NTM: variants seen among roughly 807,000 people sequenced by gnomAD.
The protein encoded by NTM is IgLON family member 2.
NTM carries 13 observed loss-of-function variants against 42.1 expected under a neutral mutation model. The ratio of observed to expected loss-of-function variants is 0.31; its 90% CI spans 0.20 to 0.49. The LOEUF (loss-of-function observed/expected upper bound fraction) is 0.49. Among genes scored for constraint, NTM ranks in the 20% least tolerant of loss-of-function variants. The pLI is 0.99. For synonymous variants in NTM, 187 were observed against 179.2 expected (o/e 1.04, Z -0.35); for missense variants, 373 against 452.8 (o/e 0.82, Z 1.60).
At chr11:131,649,240 A>G (rs964314983) in intron 1 of NTM, among the ~76,000 whole-genome samples, 6 of 152,244 alleles carry the variant, frequency 3.9e-5, no homozygotes, top group Non-Finnish European at 7.3e-5. Flanking sequence ...ATGAATGGTA[A>G]ACAGGGGATT....
chr11:131,691,697 C>G (rs935885984), intron 1 of NTM, among the ~76,000 whole-genome samples: 1 of 152,222 alleles, frequency 6.6e-6, no homozygotes, highest in Non-Finnish European at 1.5e-5. Flanking sequence ...TCCCGCTCGG[C>G]CCCGCCAGGT....
chr11:131,688,502 G>A (rs373743088), intron 1 of NTM, among the ~76,000 whole-genome samples: 2 of 152,232 alleles, frequency 1.3e-5, no homozygotes, highest in African/African-American at 4.8e-5. Flanking sequence ...CCCCAAAGGC[G>A]TTAAGAGTCG....
intron 1 of NTM, among the ~76,000 whole-genome samples, chr11:131,529,328 G>A (rs1394951006): frequency 2.0e-5 from 3 of 147,258 alleles, no homozygotes; most frequent in Non-Finnish European, 2.9e-5. Flanking sequence ...AAATTTCTCT[G>A]AGTGAGTGGA....
intron 1 of NTM, among the ~76,000 whole-genome samples, chr11:131,570,550 C>A (rs750931141): frequency 6.6e-6 from 1 of 152,180 alleles, no homozygotes; most frequent in Non-Finnish European, 1.5e-5. Flanking sequence ...CAAGGCCAGG[C>A]GCGGTGGCTC....
At chr11:132,047,252 A>T (rs773201832) in intron 2 of NTM, among the ~76,000 whole-genome samples, 1 of 152,230 alleles carries the variant, frequency 6.6e-6, no homozygotes, top group Non-Finnish European at 1.5e-5. Flanking sequence ...TTATCCTTTT[A>T]ACTAAATACT....
chr11:131,595,034 C>T (rs894235056), intron 1 of NTM, among the ~76,000 whole-genome samples: 2 of 152,184 alleles, frequency 1.3e-5, no homozygotes, highest in Admixed American at 1.3e-4. Flanking sequence ...ATAATGTATG[C>T]AGAATGCTTA....
At chr11:131,394,406 A>G (rs1344389307) in intron 1 of NTM, among the ~76,000 whole-genome samples, 1 of 151,964 alleles carries the variant, frequency 6.6e-6, no homozygotes, top group Non-Finnish European at 1.5e-5. Flanking sequence ...ACTGGCTGAG[A>G]TTGCTTGGTC....
intron 4 of NTM, among the ~76,000 whole-genome samples, chr11:132,300,758 T>A (rs1346284707): frequency 6.6e-6 from 1 of 152,232 alleles, no homozygotes; most frequent in Non-Finnish European, 1.5e-5. Context: ...CCCATCTGCC[T>A]GCCTGGGACC....
chr11:132,301,451 C>T (rs2094852840), intron 4 of NTM, among the ~76,000 whole-genome samples: 1 of 152,212 alleles, frequency 6.6e-6, no homozygotes, highest in Admixed American at 6.5e-5. Flanking sequence ...GCCAAGCCCA[C>T]TTTCTTCATG....
intron 1 of NTM, among the ~76,000 whole-genome samples, chr11:131,494,558 C>A (rs1177542779): frequency 6.6e-6 from 1 of 152,194 alleles, no homozygotes; most frequent in Admixed American, 6.5e-5. Context: ...ACTTTCAGAG[C>A]TATAACTGGG....
intron 2 of NTM, among the ~76,000 whole-genome samples, chr11:132,025,518 C>A (rs961071079): frequency 2.0e-5 from 3 of 152,126 alleles, no homozygotes; most frequent in Admixed American, 2.0e-4. Flanking sequence ...ACCCATTGTA[C>A]GAGAAATTCT....
In NTM at chr11:132,336,332, C is replaced by T. The variant is rs934236725; in HGVS notation, c.*1186C>T. The stretch of plus-strand genomic sequence containing the variant: ...TGGTAATTGTGTAATCAGCTCCTGC[C>T]TTTTTATTTTCTTGGGTTATTTACA... On this transcript the variant is annotated 3_prime_UTR_variant, in exon 9 of 9. Coordinates refer to ENST00000683400, the MANE Select transcript of NTM (RefSeq NM_001352005.2). 3 of 151,874 alleles carry T rather than the reference C, an allele frequency of 2.0e-5. No homozygotes were observed. In the East Asian group the frequency reaches 5.8e-4, roughly 30 times the overall value. The allele number at this position is 151,874 out of a possible 1,614,324, so 9.4% of individuals were successfully genotyped here. A position where few individuals can be genotyped will look rare whatever the true frequency, so the allele number is the denominator to read the frequency against.
At chr11:132,253,432 C>T (rs2092176073) in intron 4 of NTM, among the ~76,000 whole-genome samples, 1 of 138,146 alleles carries the variant, frequency 7.2e-6, no homozygotes, top group African/African-American at 2.7e-5. Flanking sequence ...ACACTATACC[C>T]ATTATGAAAA....
intron 1 of NTM, chr11:131,771,490 T>C (rs1305108650): frequency 6.6e-6 from 1 of 152,240 alleles, no homozygotes; most frequent in African/African-American, 2.4e-5. Context: ...CATCATCTGA[T>C]TAAACCCAGT....
intron 4 of NTM, among the ~76,000 whole-genome samples, chr11:132,219,887 G>A (rs1283356064): frequency 6.6e-6 from 1 of 152,096 alleles, no homozygotes; most frequent in Admixed American, 6.5e-5. Flanking sequence ...TTTCTGAAAA[G>A]ATTGAATCTT....
At chr11:131,960,954 CA>C (rs755321745) in intron 2 of NTM, among the ~76,000 whole-genome samples, 1 of 152,172 alleles carries the variant, frequency 6.6e-6, no homozygotes, top group South Asian at 2.1e-4. Context: ...CCTGTTTGAG[CA>C]CCGTGAGGGG....
intron 2 of NTM, among the ~76,000 whole-genome samples, chr11:132,000,599 T>C (rs2846797): frequency 0.66 from 100,501 of 152,022 alleles, 33,984 homozygotes; most frequent in East Asian, 0.89. Context: ...TCTCACTCTG[T>C]TCTGGACTAA....
chr11:131,766,934 G>A (rs74752933), intron 1 of NTM, among the ~76,000 whole-genome samples: 18 of 152,038 alleles, frequency 1.2e-4, no homozygotes, highest in Middle Eastern at 3.4e-3. Context: ...GATATTTCCC[G>A]TCCTTTTTTC....
chr11:131,888,879 C>T (rs940763793), intron 1 of NTM, among the ~76,000 whole-genome samples: 9 of 151,186 alleles, frequency 6.0e-5, no homozygotes, highest in Admixed American at 2.0e-4. Flanking sequence ...TCGGCATCGG[C>T]GACATAGAAT....
Sources: gnomAD v4.1 joint callset for allele counts (sites outside exome capture counted in the v4.1 genomes callset) on GRCh38, gnomAD v4.1.1 for gene constraint, MANE v1.5 for transcripts, NCBI Gene and HGNC (gene_info 2026-07-23, HGNC 2026-07-21) for gene names.